SMG6: variants seen among roughly 807,000 people sequenced by gnomAD.
SMG6 encodes telomerase-binding protein EST1A.
Under a neutral mutation model 142.2 loss-of-function variants are expected in SMG6, and 66 were observed. That is an observed-to-expected ratio of 0.46 (90% CI 0.38 to 0.57). The LOEUF (loss-of-function observed/expected upper bound fraction) is 0.57. Among genes scored for constraint, SMG6 ranks in the 20% least tolerant of loss-of-function variants. The pLI is 0.00. For missense variants in SMG6, 1,793 were observed against 1,832.0 expected, an observed-to-expected ratio of 0.98 and a Z score of 0.39; for synonymous variants, 779 against 702.4, an observed-to-expected ratio of 1.11 and a Z score of -1.72.
In SMG6 at chr17:2,068,744, T is replaced by G; in HGVS notation, c.3835+34A>C. On this transcript the variant is annotated intron_variant, in intron 16 of 18. Transcript: ENST00000263073. This position sits in a 1 kb window ranked among gnomAD's most constrained non-coding sequence, Gnocchi z 6.7. ...TGTGTGGAGGGGGCTGCTGTGCACA[T>G]GCAAGGCCGCTCTGCCCTTCCCGCC... is the stretch of plus-strand genomic sequence containing the variant. 6.2e-7 allele frequency: 1 copy of G among 1,605,490 alleles called. No individual in the cohort carries two copies. Among genetic ancestry groups the G allele is most frequent in the Non-Finnish European group, 8.5e-7 (1 of 1,175,498 alleles).
intron 12 of SMG6, among the ~76,000 whole-genome samples, chr17:2,178,634 G>A (rs1472824102): frequency 6.6e-6 from 1 of 152,166 alleles, no homozygotes; most frequent in Non-Finnish European, 1.5e-5. Context: ...TCAAGTATCA[G>A]AGCACCTCAA....
At position 2,085,907 on chromosome 17, in the gene SMG6, G is replaced by A; in HGVS notation, c.3358-6C>T. On this transcript the variant is annotated splice_region_variant and splice_polypyrimidine_tract_variant and intron_variant, in intron 13 of 18. Transcript: ENST00000263073. The surrounding 1 kb of genome is among the most constrained non-coding windows in gnomAD (Gnocchi z 4.1). ...TTGCAGTCAGCTGCAATAACCTACA[G>A]GGTGAGAGGGAGAGAAGAAAAACAG... 6.2e-7 allele frequency: 1 copy of A among 1,612,924 alleles called. No homozygotes were observed. Among genetic ancestry groups the A allele is most frequent in the East Asian group, 2.2e-5 (1 of 44,872 alleles).
intron 13 of SMG6, among the ~76,000 whole-genome samples, chr17:2,158,141 G>T (rs1181949721): frequency 6.6e-6 from 1 of 152,198 alleles, no homozygotes; most frequent in African/African-American, 2.4e-5. Context: ...GGCAGCTCTG[G>T]AGTTCCCTAA....
intron 6 of SMG6, among the ~76,000 whole-genome samples, chr17:2,286,103 A>G (rs942820867): frequency 6.6e-6 from 1 of 152,214 alleles, no homozygotes; most frequent in African/African-American, 2.4e-5. Context: ...CTTATTATAC[A>G]CAGGGTTAAA....
At chr17:2,191,896 T>C (rs902948594) in intron 10 of SMG6, among the ~76,000 whole-genome samples, 1 of 152,236 alleles carries the variant, frequency 6.6e-6, no homozygotes, top group Non-Finnish European at 1.5e-5. Flanking sequence ...GGATGTTATG[T>C]ATTTCTAATT....
At chr17:2,132,568 T>C (rs1386028383) in intron 13 of SMG6, among the ~76,000 whole-genome samples, 3 of 152,182 alleles carry the variant, frequency 2.0e-5, no homozygotes, top group Admixed American at 6.5e-5. Context: ...GGAAATCAAA[T>C]TTCTATTAAC....
intron 8 of SMG6, among the ~76,000 whole-genome samples, chr17:2,267,153 G>A (rs1397825393): frequency 6.6e-6 from 1 of 152,170 alleles, no homozygotes; most frequent in Non-Finnish European, 1.5e-5. Flanking sequence ...TTAAAGACAT[G>A]AAGTCAACTC....
At chr17:2,147,866 G>A (rs572434547) in intron 13 of SMG6, among the ~76,000 whole-genome samples, 3 of 152,270 alleles carry the variant, frequency 2.0e-5, no homozygotes, top group Admixed American at 6.5e-5. Context: ...TAGTACAGCC[G>A]CTGTGGAAAA....
chr17:2,249,883 G>A (rs1297569139), intron 8 of SMG6, among the ~76,000 whole-genome samples: 3 of 152,194 alleles, frequency 2.0e-5, no homozygotes, highest in South Asian at 2.1e-4. Context: ...ACCAATGGCA[G>A]TAGATGGATG....
intron 13 of SMG6, among the ~76,000 whole-genome samples, chr17:2,126,965 C>T (rs897216917): frequency 2.0e-5 from 3 of 151,784 alleles, no homozygotes; most frequent in Non-Finnish European, 1.5e-5. Flanking sequence ...CACACATATA[C>T]GCGTGAACAC....
At chr17:2,234,706 A>T (rs750411893) in intron 10 of SMG6, among the ~76,000 whole-genome samples, 31 of 150,798 alleles carry the variant, frequency 2.1e-4, no homozygotes, top group African/African-American at 5.4e-4. Context: ...TTTAATTCTT[A>T]ATTATTATTA....
chr17:2,086,978 A>G, intron 13 of SMG6: 1 of 1,282,450 alleles, frequency 7.8e-7, no homozygotes, highest in Non-Finnish European at 1.0e-6. Flanking sequence ...CTCACTGACT[A>G]GCCCCTGCCT....
intron 13 of SMG6, among the ~76,000 whole-genome samples, chr17:2,165,465 G>A (rs901178490): frequency 9.2e-5 from 14 of 152,186 alleles, no homozygotes; most frequent in Admixed American, 4.6e-4. Context: ...CAAAATGCCT[G>A]GGACCAGAAG....
intron 9 of SMG6, among the ~76,000 whole-genome samples, chr17:2,241,243 C>T (rs1248625625): frequency 6.6e-6 from 1 of 152,146 alleles, no homozygotes; most frequent in Non-Finnish European, 1.5e-5. Flanking sequence ...TAACCTGGAA[C>T]ACAGTAAACC....
chr17:2,162,716 T>C (rs964691484), intron 13 of SMG6, among the ~76,000 whole-genome samples: 1 of 152,126 alleles, frequency 6.6e-6, no homozygotes, highest in Non-Finnish European at 1.5e-5. Flanking sequence ...GTCATCCATC[T>C]ACCTATCAGC....
At chr17:2,167,047 T>C (rs560569937) in intron 13 of SMG6, among the ~76,000 whole-genome samples, 3 of 145,332 alleles carry the variant, frequency 2.1e-5, no homozygotes, top group Non-Finnish European at 4.5e-5. Flanking sequence ...AGAGAATCGT[T>C]TGAACTTGGG....
intron 13 of SMG6, among the ~76,000 whole-genome samples, chr17:2,155,222 C>T (rs1259306997): frequency 6.6e-6 from 1 of 151,870 alleles, no homozygotes; most frequent in Non-Finnish European, 1.5e-5. Flanking sequence ...CCACCATGCC[C>T]GGCTACTTTT....
In SMG6 at chr17:2,247,044, G is replaced by A. The variant is rs751726514; in HGVS notation, c.2662-2325C>T. On this transcript the variant is annotated intron_variant, in intron 8 of 18. Coordinates refer to ENST00000263073, the MANE Select transcript of SMG6 (RefSeq NM_017575.5). ...CCATGGCTACACCAACATTAGTGGC[G>A]AAACCTGGCCAGAATGCAGATCTCT... 1.2e-3 allele frequency among the ~76,000 whole-genome samples: 183 copies of A among 152,202 alleles called. 3 individuals carry two copies. The highest frequency in any genetic ancestry group is 9.2e-4 in the Admixed American group (14 of 15,288).
intron 13 of SMG6, among the ~76,000 whole-genome samples, chr17:2,100,464 G>A (rs2068975196): frequency 6.6e-6 from 1 of 151,974 alleles, no homozygotes; most frequent in Admixed American, 6.6e-5. Flanking sequence ...TAAGCCACTG[G>A]TGCCCGACTT....
Sources: gnomAD v4.1 joint callset for allele counts (sites outside exome capture counted in the v4.1 genomes callset) on GRCh38, gnomAD v4.1.1 for gene constraint, Gnocchi (gnomAD v3.1) non-coding constraint, MANE v1.5 for transcripts, NCBI Gene and HGNC (gene_info 2026-07-23, HGNC 2026-07-21) for gene names.